Variants in SPECC1L observed in about 807,000 individuals in gnomAD.
The protein encoded by SPECC1L is cytospin-A.
In SPECC1L, 40 loss-of-function variants were observed where a neutral mutation model predicts 116.8. That is an observed-to-expected ratio of 0.34 (90% CI 0.27 to 0.45). The LOEUF is 0.45. Among genes scored for constraint, SPECC1L ranks in the 20% least tolerant of loss-of-function variants. The pLI, the probability that SPECC1L is intolerant of heterozygous loss-of-function variation, is 1.00. For synonymous variants in SPECC1L, 504 were observed against 500.6 expected (o/e 1.01, Z -0.09); for missense variants, 1,110 against 1,373.6 (o/e 0.81, Z 3.03).
chr22:24,309,589 C>T (rs540399280), intron 3 of SPECC1L, among the ~76,000 whole-genome samples: 12 of 152,108 alleles, frequency 7.9e-5, no homozygotes, highest in East Asian at 1.9e-4. Flanking sequence ...TTAGTAGAGA[C>T]GGGGTTTCAC....
chr22:24,412,439 T>C, intron 15 of SPECC1L: 1 of 641,814 alleles, frequency 1.6e-6, no homozygotes. Flanking sequence ...GGTGGGTCAC[T>C]GCAGCAGGTC....
At position 24,365,582 on chromosome 22, in the gene SPECC1L, G is replaced by A. The variant is rs1462431441; in HGVS notation, c.2934G>A (p.Leu978=). The A allele has an allele frequency of 6.2e-7, 1 of 1,614,146 alleles. No individual in the cohort carries two copies. The highest frequency in any genetic ancestry group is 2.2e-5 in the East Asian group (1 of 44,870). ...AMGTTSPQLS[L]SSSPTASVTP... is the part of the protein sequence containing the mutation. ...GAACCACGTCTCCACAGCTTTCCCTGTCCTCTTCTCCAACGGCATCTGTGA... is the reference window on the plus strand; with the variant it reads ...GAACCACGTCTCCACAGCTTTCCCTATCCTCTTCTCCAACGGCATCTGTGA... Residue 978 remains leucine (L), a synonymous_variant, in exon 13 of 17, where the codon CTG becomes CTA. Transcript: ENST00000314328.
At chr22:24,382,039 C>T (rs1352728971) in intron 14 of SPECC1L, among the ~76,000 whole-genome samples, 1 of 152,050 alleles carries the variant, frequency 6.6e-6, no homozygotes, top group African/African-American at 2.4e-5. Flanking sequence ...GTAATTAAAA[C>T]TCAGTAAAGT....
chr22:24,360,012 C>CT (rs1398584440), intron 11 of SPECC1L, among the ~76,000 whole-genome samples: 1 of 152,148 alleles, frequency 6.6e-6, no homozygotes, highest in Non-Finnish European at 1.5e-5. Flanking sequence ...TGTCTGCTTT[C>CT]TTTTTTTCTC....
chr22:24,361,264 C>T (rs969637982), intron 11 of SPECC1L, among the ~76,000 whole-genome samples: 1 of 152,054 alleles, frequency 6.6e-6, no homozygotes, highest in Non-Finnish European at 1.5e-5. Context: ...ATGGTGCATA[C>T]CTATAGTCCC....
At chr22:24,327,561 A>T (rs76369026) in intron 6 of SPECC1L, among the ~76,000 whole-genome samples, 5,118 of 152,128 alleles carry the variant, frequency 0.034, 176 homozygotes, top group African/African-American at 0.082. Context: ...AAGGAATGGG[A>T]GAGAATGTTA....
chr22:24,303,360 T>C (rs1165506500), intron 3 of SPECC1L, among the ~76,000 whole-genome samples: 1 of 152,220 alleles, frequency 6.6e-6, no homozygotes, highest in East Asian at 1.9e-4. Context: ...TAGGTATCAT[T>C]CTGTGACCTG....
intron 2 of SPECC1L, among the ~76,000 whole-genome samples, chr22:24,298,874 T>C (rs576331434): frequency 1.2e-4 from 18 of 152,362 alleles, no homozygotes; most frequent in African/African-American, 4.1e-4. Context: ...CAGAATAATA[T>C]TTGACCAAAT....
intron 1 of SPECC1L, among the ~76,000 whole-genome samples, chr22:24,271,493 G>A (rs2048726552): frequency 6.6e-6 from 1 of 152,272 alleles, no homozygotes; most frequent in African/African-American, 2.4e-5. Context: ...GCCGGCGCCC[G>A]AGGCGGACGG....
chr22:24,414,536 C>T lies in SPECC1L; in HGVS notation c.3267C>T (p.Asp1089=), dbSNP rs1015501620. The change falls in exon 17 of 17, where the codon GAC becomes GAT. Residue 1089 remains aspartate, a splice_region_variant and synonymous_variant. Coordinates refer to ENST00000314328, the MANE Select transcript of SPECC1L (RefSeq NM_015330.6). The part of the protein sequence containing the change: ...AESVGIKSTL[D]INEMVRTERP... ...CAAGCGTCTTCCTTGTCTGTCAGGA[C>T]ATTAATGAAATGGTACGGACTGAAC... is the stretch of plus-strand genomic sequence containing the variant. The T allele has an allele frequency of 6.2e-7, 1 of 1,613,714 alleles. No individual in the cohort carries two copies. The highest frequency in any genetic ancestry group is 8.5e-7 in the Non-Finnish European group (1 of 1,179,862).
intron 2 of SPECC1L, among the ~76,000 whole-genome samples, chr22:24,299,576 T>C (rs1338146098): frequency 1.3e-5 from 2 of 152,214 alleles, no homozygotes; most frequent in African/African-American, 4.8e-5. Flanking sequence ...TTTCTCCTCT[T>C]GGACCTCTGC....
chr22:24,387,735 T>G (rs577121886), intron 14 of SPECC1L, among the ~76,000 whole-genome samples: 2 of 152,234 alleles, frequency 1.3e-5, no homozygotes, highest in Non-Finnish European at 2.9e-5. Flanking sequence ...CTATTGAAAT[T>G]ACTACAAATG....
chr22:24,335,235 C>T (rs2041028339), intron 9 of SPECC1L, among the ~76,000 whole-genome samples: 1 of 152,200 alleles, frequency 6.6e-6, no homozygotes, highest in Non-Finnish European at 1.5e-5. Flanking sequence ...TTTCAGTAAC[C>T]TCCAAATTAA....
intron 14 of SPECC1L, among the ~76,000 whole-genome samples, chr22:24,373,089 A>G (rs1170442156): frequency 6.6e-6 from 1 of 152,208 alleles, no homozygotes; most frequent in Non-Finnish European, 1.5e-5. Context: ...GACCTCTTCA[A>G]GGAGAACTAC....
chr22:24,413,667 C>T (rs2146828859), intron 16 of SPECC1L, among the ~76,000 whole-genome samples: 1 of 152,326 alleles, frequency 6.6e-6, no homozygotes, highest in Non-Finnish European at 1.5e-5. Flanking sequence ...AATATTCCCC[C>T]ATTCCTGGAT....
intron 14 of SPECC1L, among the ~76,000 whole-genome samples, chr22:24,400,125 T>TA (rs1322491263): frequency 6.6e-6 from 1 of 152,214 alleles, no homozygotes; most frequent in Non-Finnish European, 1.5e-5. Context: ...TTTTTAAACA[T>TA]ACAATTCGGT....
At chr22:24,401,870 C>A (rs1278787706) in intron 14 of SPECC1L, among the ~76,000 whole-genome samples, 1 of 152,136 alleles carries the variant, frequency 6.6e-6, no homozygotes, top group Non-Finnish European at 1.5e-5. Context: ...GTAGGAAAAC[C>A]CGAAAAATCT....
chr22:24,271,778 C>A (rs1316142079), intron 1 of SPECC1L, among the ~76,000 whole-genome samples: 1 of 152,218 alleles, frequency 6.6e-6, no homozygotes, highest in Admixed American at 6.5e-5. Context: ...TATCCTTGAT[C>A]ATTTGTCCAA....
intron 1 of SPECC1L, among the ~76,000 whole-genome samples, chr22:24,271,368 G>T (rs1419730595): frequency 1.3e-5 from 2 of 152,258 alleles, no homozygotes; most frequent in Non-Finnish European, 2.9e-5. Context: ...CATCGCCCGG[G>T]TCCCTTGCCT....
Sources: gnomAD v4.1 joint callset for allele counts (sites outside exome capture counted in the v4.1 genomes callset) on GRCh38, gnomAD v4.1.1 for gene constraint, MANE v1.5 for transcripts, NCBI Gene and HGNC (gene_info 2026-07-23, HGNC 2026-07-21) for gene names.